Variants in ENOX1 observed in about 807,000 individuals in gnomAD.
The protein encoded by ENOX1 is ecto-NOX disulfide-thiol exchanger 1.
Under a neutral mutation model 82.5 loss-of-function variants are expected in ENOX1, and 42 were observed. The ratio of observed to expected loss-of-function variants is 0.51; its 90% confidence interval spans 0.40 to 0.66. The LOEUF is 0.66. Ranked by LOEUF, ENOX1 falls within the 30% of genes least tolerant of loss-of-function variation. The pLI, the probability that ENOX1 is intolerant of heterozygous loss-of-function variation, is 0.00. For synonymous variants in ENOX1, 271 were observed against 282.2 expected (o/e 0.96, Z 0.40); for missense variants, 608 against 811.6 (o/e 0.75, Z 3.05).
intron 1 of ENOX1, among the ~76,000 whole-genome samples, chr13:43,681,423 A>G (rs555485897): frequency 1.1e-4 from 16 of 152,130 alleles, no homozygotes; most frequent in Admixed American, 2.0e-4. Context: ...GTATACATTT[A>G]CCCAAAAGCA....
At chr13:43,727,292 A>C (rs1298431790) in intron 1 of ENOX1, among the ~76,000 whole-genome samples, 2 of 152,220 alleles carry the variant, frequency 1.3e-5, no homozygotes, top group African/African-American at 4.8e-5. Context: ...ATCTTCCTCT[A>C]GACTCAGCAA....
At chr13:43,220,515 A>G (rs1004739864) in intron 16 of ENOX1, among the ~76,000 whole-genome samples, 2 of 152,146 alleles carry the variant, frequency 1.3e-5, no homozygotes, top group Non-Finnish European at 2.9e-5. Flanking sequence ...ATAGGGTTCT[A>G]TCTTAGGTTT....
chr13:43,480,860 A>G (rs2058479313), intron 3 of ENOX1, among the ~76,000 whole-genome samples: 1 of 152,198 alleles, frequency 6.6e-6, no homozygotes, highest in Non-Finnish European at 1.5e-5. Flanking sequence ...GTAGTTAGCA[A>G]TCTTCCAACA....
intron 1 of ENOX1, among the ~76,000 whole-genome samples, chr13:43,785,914 C>A (rs577766116): frequency 6.6e-6 from 1 of 152,158 alleles, no homozygotes; most frequent in East Asian, 1.9e-4. Flanking sequence ...GTGTCGGGTC[C>A]GGAGAGGCGG....
chr13:43,419,093 G>A (rs920392456), intron 3 of ENOX1, among the ~76,000 whole-genome samples: 7 of 152,094 alleles, frequency 4.6e-5, no homozygotes, highest in Non-Finnish European at 8.8e-5. Flanking sequence ...CAGGAGAATC[G>A]CTTGAACAAT....
chr13:43,653,587 T>G (rs898723445), intron 2 of ENOX1, among the ~76,000 whole-genome samples: 1 of 149,452 alleles, frequency 6.7e-6, no homozygotes, highest in African/African-American at 2.5e-5. Context: ...AGCATAACAT[T>G]AAGGCTTCAA....
intron 1 of ENOX1, among the ~76,000 whole-genome samples, chr13:43,693,100 T>C (rs987353467): frequency 6.6e-6 from 1 of 152,124 alleles, no homozygotes; most frequent in Admixed American, 6.5e-5. Flanking sequence ...TGCTTACATG[T>C]ACAACAAGAA....
At chr13:43,445,754 C>T (rs1340637379) in intron 3 of ENOX1, among the ~76,000 whole-genome samples, 1 of 152,132 alleles carries the variant, frequency 6.6e-6, no homozygotes, top group Non-Finnish European at 1.5e-5. Context: ...TTTTTACTGG[C>T]AGCTATCACC....
intron 1 of ENOX1, among the ~76,000 whole-genome samples, chr13:43,756,800 A>G (rs895350881): frequency 1.3e-5 from 2 of 152,032 alleles, no homozygotes; most frequent in Admixed American, 1.3e-4. Flanking sequence ...TTCTCTAGTT[A>G]TAACTGTCCC....
At chr13:43,769,864 T>C (rs766753053) in intron 1 of ENOX1, among the ~76,000 whole-genome samples, 22 of 152,208 alleles carry the variant, frequency 1.4e-4, no homozygotes, top group Non-Finnish European at 2.4e-4. Flanking sequence ...TTCAGAGACT[T>C]AAAAACAAAA....
At chr13:43,779,413 C>T (rs553455832) in intron 1 of ENOX1, among the ~76,000 whole-genome samples, 2 of 152,132 alleles carry the variant, frequency 1.3e-5, no homozygotes, top group Non-Finnish European at 2.9e-5. Context: ...ATGTCACTGG[C>T]TGAGGTCTAT....
chr13:43,361,278 C>T lies in ENOX1; in HGVS notation c.382+1G>A, dbSNP rs2050487294. On this transcript the variant is annotated splice_donor_variant, in intron 6 of 16. Transcript: ENST00000690772. LOFTEE classifies it high-confidence loss of function. ...AAATATTTCTCATAGGCGTTACTTA[C>T]TTGGATTTTGAGGAAAAAGAGTACA... 2 of 1,610,948 alleles carry T rather than the reference C, an allele frequency of 1.2e-6. No individual in the cohort carries two copies. The highest frequency in any genetic ancestry group is 1.7e-5 in the Admixed American group (1 of 59,256).
At chr13:43,582,485 A>G (rs2080789391) in intron 2 of ENOX1, among the ~76,000 whole-genome samples, 1 of 152,202 alleles carries the variant, frequency 6.6e-6, no homozygotes, top group Non-Finnish European at 1.5e-5. Context: ...AGTTCACCAA[A>G]TCAAGGGGGA....
chr13:43,257,016 T>C (rs1000738787), intron 14 of ENOX1, among the ~76,000 whole-genome samples: 17 of 152,316 alleles, frequency 1.1e-4, no homozygotes, highest in African/African-American at 3.4e-4. Context: ...GCAACGTGAA[T>C]GAAACTGGAG....
chr13:43,785,004 C>T (rs1952486977), intron 1 of ENOX1, among the ~76,000 whole-genome samples: 1 of 152,210 alleles, frequency 6.6e-6, no homozygotes, highest in Admixed American at 6.5e-5. Context: ...TTATGCAATG[C>T]TCATCCGTCT....
At chr13:43,218,408 C>G (rs1227127322) in intron 16 of ENOX1, among the ~76,000 whole-genome samples, 1 of 152,198 alleles carries the variant, frequency 6.6e-6, no homozygotes, top group Non-Finnish European at 1.5e-5. Context: ...GAGAGGATCA[C>G]TTGAGCCCAG....
chr13:43,352,815 A>G (rs2049893870), intron 8 of ENOX1, among the ~76,000 whole-genome samples: 1 of 152,226 alleles, frequency 6.6e-6, no homozygotes, highest in South Asian at 2.1e-4. Context: ...TGGTCCCAGA[A>G]GATCCTCCCT....
intron 2 of ENOX1, among the ~76,000 whole-genome samples, chr13:43,560,409 C>T (rs1326904517): frequency 1.3e-5 from 2 of 152,140 alleles, no homozygotes; most frequent in African/African-American, 4.8e-5. Context: ...AACAATTTCT[C>T]ACCACCACTA....
rs756040115 is a variant in ENOX1, at chr13:43,213,259, C to T, written c.*731G>A. Among the ~76,000 whole-genome samples the T allele has an allele frequency of 7.9e-5, 12 of 152,058 alleles. No individual in the cohort carries two copies. Among genetic ancestry groups the T allele is most frequent in the Non-Finnish European group, 1.3e-4 (9 of 67,978 alleles). ...ACATACCAAGTACAAGACAATAACA[C>T]TAGTTTTTCCTTTATTTACACTTTA... On this transcript the variant is annotated 3_prime_UTR_variant, in exon 17 of 17. Transcript: ENST00000690772.
Sources: gnomAD v4.1 joint callset for allele counts (sites outside exome capture counted in the v4.1 genomes callset) on GRCh38, gnomAD v4.1.1 for gene constraint, MANE v1.5 for transcripts, NCBI Gene and HGNC (gene_info 2026-07-23, HGNC 2026-07-21) for gene names.